The following DGKK variants were observed in gnomAD, a reference collection of about 807,000 sequenced individuals.
DGKK encodes the protein 142 kDa diacylglycerol kinase.
DGKK carries 35 observed loss-of-function variants against 92.2 expected under a neutral mutation model. That is an observed-to-expected ratio of 0.38 (90% CI 0.29 to 0.50). DGKK has a LOEUF of 0.50. Ranked by LOEUF, DGKK falls within the 20% of genes least tolerant of loss-of-function variation. DGKK has a pLI of 0.92. For synonymous variants in DGKK, 368 were observed against 360.6 expected, an observed-to-expected ratio of 1.02 and a Z score of -0.23; for missense variants, 910 against 992.2, an observed-to-expected ratio of 0.92 and a Z score of 1.11.
intron 1 of DGKK, among the ~76,000 whole-genome samples, chrX:50,456,754 C>T (rs181637987): frequency 9.0e-6 from 1 of 111,386 alleles, no homozygotes; most frequent in East Asian, 2.9e-4. Flanking sequence ...CCTCCTAGTA[C>T]ATATGGTGTG....
intron 25 of DGKK, among the ~76,000 whole-genome samples, chrX:50,372,483 G>A (rs1199507546): frequency 8.9e-6 from 1 of 111,852 alleles, no homozygotes; most frequent in Non-Finnish European, 1.9e-5. Context: ...TGTGAAGCAA[G>A]GAGAGAGCTA....
chrX:50,383,000 C>T (rs1275380258), intron 17 of DGKK, among the ~76,000 whole-genome samples: 5 of 111,937 alleles, frequency 4.5e-5, no homozygotes, highest in African/African-American at 1.6e-4. Flanking sequence ...ACAGTTAAGT[C>T]TGCACAACTG....
At chrX:50,383,210 C>T (rs1034120937) in intron 17 of DGKK, among the ~76,000 whole-genome samples, 2 of 111,906 alleles carry the variant, frequency 1.8e-5, no homozygotes, top group Non-Finnish European at 3.8e-5. Flanking sequence ...TTATGCATAT[C>T]TCTTTCCAAC....
rs782418591 is a variant in DGKK, at chrX:50,384,764, A to G, written c.2408T>C (p.Leu803Pro). 2 of 1,209,045 alleles carry G rather than the reference A, an allele frequency of 1.7e-6. No homozygotes were observed. The highest frequency in any genetic ancestry group is 3.5e-5 in the African/African-American group (2 of 57,119). ...GTTAATATCTTCTGGGTCATCTTCC[A>G]GGAAGAAAGTTGAACTAAAGTTCTT... ...SVKNFSSTFF[L>P]EDDPEDINQT... Residue 803 changes from leucine (L) to proline (P), a missense_variant, in exon 16 of 28, where the codon CTG (leucine) becomes CCG (proline). Physicochemically the swap from Leu to Pro is moderately conservative, Grantham distance 98 (BLOSUM62 -3). Coordinates refer to ENST00000611977, the MANE Select transcript of DGKK (RefSeq NM_001013742.4).
chrX:50,424,736 A>G (rs782671175), intron 1 of DGKK, among the ~76,000 whole-genome samples: 1 of 111,782 alleles, frequency 8.9e-6, no homozygotes, highest in East Asian at 2.8e-4. Flanking sequence ...TCCAGATTGT[A>G]GCTCCAGACA....
Position 50,376,889 on chromosome X carries a change from T to G in DGKK, c.3141A>C (p.Glu1047Asp), listed in dbSNP as rs782092435. Residue 1047 changes from glutamate (E) to aspartate (D), a missense_variant, in exon 23 of 28, where the codon GAA (glutamate) becomes GAC (aspartate). By Grantham distance (45) the Glu-to-Asp change is conservative (BLOSUM62 2). Coordinates refer to ENST00000611977, the MANE Select transcript of DGKK (RefSeq NM_001013742.4). ...RDFENSMKMWEYKHTEIQAAP... is the reference protein window; with the variant it reads ...RDFENSMKMWDYKHTEIQAAP... ...CAGCTTGAATTTCAGTATGCTTGTATTCCCACATTTTCATTGAGTTCTCAA... is the reference window on the plus strand; with the variant it reads ...CAGCTTGAATTTCAGTATGCTTGTAGTCCCACATTTTCATTGAGTTCTCAA... 4.2e-6 allele frequency: 5 copies of G among 1,201,015 alleles called. No individual in the cohort carries two copies. The highest frequency in any genetic ancestry group is 2.2e-5 in the Admixed American group (1 of 44,988).
chrX:50,449,534 C>T (rs1447186863), intron 1 of DGKK, among the ~76,000 whole-genome samples: 2 of 111,329 alleles, frequency 1.8e-5, no homozygotes, highest in Admixed American at 9.5e-5. Context: ...AACAGAAACC[C>T]TAAGCTGCCT....
At position 50,447,336 on chromosome X, in the gene DGKK, ATATATAT is replaced by A. The variant is rs1192788191; in HGVS notation, c.645+22691_645+22697del. ...TATGTGTGTGTGTATGTATATATAT[ATATATAT>A]TATATATATATATAATATATATATA... On this transcript the variant is annotated intron_variant, in intron 1 of 27. Transcript: ENST00000611977. Among the ~76,000 whole-genome samples the A allele has an allele frequency of 1.3e-3, 23 of 18,117 alleles. 2 individuals are homozygous for A. Among genetic ancestry groups the A allele is most frequent in the Admixed American group, 4.9e-3 (4 of 821 alleles). 15.7% of individuals were successfully genotyped at this position (18,117 alleles called of 115,157 possible).
chrX:50,391,562 G>A lies in DGKK; in HGVS notation c.1719C>T (p.Val573=). Residue 573 remains valine (V), a synonymous_variant, in exon 11 of 28, where the codon GTC becomes GTT. Coordinates refer to ENST00000611977, the MANE Select transcript of DGKK (RefSeq NM_001013742.4). Reference sequence around the variant, plus strand: ...GATCATTGCCGGTTCCAAGTGGGATGACTGCCAACTGACACTGCAAGAACA... The same window carrying A: ...GATCATTGCCGGTTCCAAGTGGGATAACTGCCAACTGACACTGCAAGAACA... The part of the protein sequence containing the change: ...FGLHEKCQLA[V]IPLGTGNDLA... 8.3e-7 allele frequency: 1 copy of A among 1,211,276 alleles called. No individual in the cohort carries two copies. Among genetic ancestry groups the A allele is most frequent in the Non-Finnish European group, 1.1e-6 (1 of 895,134 alleles).
intron 2 of DGKK, among the ~76,000 whole-genome samples, chrX:50,423,100 G>C (rs1165194702): frequency 8.9e-6 from 1 of 112,316 alleles, no homozygotes; most frequent in Non-Finnish European, 1.9e-5. Flanking sequence ...CTCACACTTA[G>C]TTTAATGCTT....
At chrX:50,413,779 A>G (rs1446700808) in intron 4 of DGKK, among the ~76,000 whole-genome samples, 2 of 111,884 alleles carry the variant, frequency 1.8e-5, no homozygotes, top group East Asian at 5.6e-4. Context: ...TAATATAGCC[A>G]TTATGGAAAA....
At chrX:50,464,218 A>G (rs1302880481) in intron 1 of DGKK, among the ~76,000 whole-genome samples, 2 of 106,732 alleles carry the variant, frequency 1.9e-5, no homozygotes, top group Non-Finnish European at 3.9e-5. Context: ...TCTCTTTAAG[A>G]GGATTCTGTT....
chrX:50,401,073 T>C lies in DGKK; in HGVS notation c.1375A>G (p.Ile459Val). The change falls in exon 8 of 28, where the codon ATT becomes GTT. Residue 459 changes from isoleucine (I) to valine (V), a missense_variant. Transcript: ENST00000611977. ...CCFRSHRSSV[I>V]PPTALSDPKG... ...GGGTCGCTTAGAGCAGTGGGAGGAA[T>C]GACTGATGAGCGATGGCTTCTGAAG... is the stretch of plus-strand genomic sequence containing the variant. The C allele has an allele frequency of 1.7e-6, 2 of 1,202,112 alleles. No homozygotes were observed. Among genetic ancestry groups the C allele is most frequent in the Non-Finnish European group, 2.2e-6 (2 of 890,682 alleles).
intron 4 of DGKK, among the ~76,000 whole-genome samples, chrX:50,411,161 C>A (rs1046167313): frequency 1.8e-5 from 2 of 111,410 alleles, no homozygotes; most frequent in Non-Finnish European, 3.8e-5. Flanking sequence ...AGCGATTACC[C>A]ATGGAGGAAC....
intron 1 of DGKK, among the ~76,000 whole-genome samples, chrX:50,464,158 T>C (rs1926833454): frequency 9.2e-6 from 1 of 108,196 alleles, no homozygotes; most frequent in African/African-American, 3.3e-5. Context: ...TTTTTTTGGT[T>C]GTGTTTTGAC....
intron 1 of DGKK, among the ~76,000 whole-genome samples, chrX:50,465,215 C>T (rs1926864556): frequency 9.0e-6 from 1 of 110,857 alleles, no homozygotes; most frequent in South Asian, 3.8e-4. Flanking sequence ...GATATAAGTT[C>T]CATGGGCTTT....
At chrX:50,444,717 A>G (rs1164511670) in intron 1 of DGKK, among the ~76,000 whole-genome samples, 1 of 111,601 alleles carries the variant, frequency 9.0e-6, no homozygotes, top group Non-Finnish European at 1.9e-5. Context: ...GGTTGATTCT[A>G]TGTCTTTGCT....
Position 50,428,195 on chromosome X carries a change from A to AATTATT in DGKK, c.646-3843_646-3838dup, listed in dbSNP as rs10665078. On this transcript the variant is annotated intron_variant, in intron 1 of 27. Coordinates refer to ENST00000611977, the MANE Select transcript of DGKK (RefSeq NM_001013742.4). ...ATTGTGGAGCTACTTTCCAATAATA[A>AATTATT]ATTATTATTATTATTATTATTATTA... Among the ~76,000 whole-genome samples, 752 of 105,345 alleles carry AATTATT rather than the reference A, an allele frequency of 7.1e-3. 9 individuals carry two copies. The highest frequency in any genetic ancestry group is 0.022 in the African/African-American group (643 of 28,798). 91.5% of individuals were successfully genotyped at this position (105,345 alleles called of 115,157 possible).
At chrX:50,424,224 A>G (rs782035709) in intron 2 of DGKK, 24 bp downstream of exon 2, 2 of 1,180,974 alleles carry the variant, frequency 1.7e-6, no homozygotes, top group Non-Finnish European at 2.3e-6. Flanking sequence ...CCATTAATCT[A>G]GTTGACAATA....
Sources: allele counts gnomAD v4.1 joint callset (sites outside exome capture counted in the v4.1 genomes callset), GRCh38; gene constraint gnomAD v4.1.1; transcripts MANE v1.5; gene names NCBI Gene and HGNC (gene_info 2026-07-23, HGNC 2026-07-21).